The following INSR variants were observed in gnomAD, a reference collection of about 807,000 sequenced individuals.
The protein encoded by INSR is IR.
A neutral mutation model predicts 142.6 loss-of-function variants in INSR; 67 were observed. The ratio of observed to expected loss-of-function variants is 0.47; its 90% CI spans 0.39 to 0.58. INSR has a LOEUF of 0.58. Among genes scored for constraint, INSR ranks in the 20% least tolerant of loss-of-function variants. The pLI is 0.00. For missense variants in INSR, 1,248 were observed against 1,833.2 expected (o/e 0.68, Z 5.83); for synonymous variants, 756 against 743.1 (o/e 1.02, Z -0.28).
Position 7,141,585 on chromosome 19 carries a change from C to G in INSR, c.2682+92G>C, listed in dbSNP as rs1387814003. 1.9e-6 allele frequency: 3 copies of G among 1,567,578 alleles called. No homozygotes were observed. In the African/African-American group the frequency reaches 4.1e-5, roughly 21 times the overall value. The stretch of plus-strand genomic sequence containing the variant: ...TACCTGATGAGAGAAGCACTGGAAT[C>G]AAAATTTCAGCAGAGGAAGGAGGTA... On this transcript the variant is annotated intron_variant, in intron 13 of 21. Transcript: ENST00000302850.
chr19:7,190,726 C>G (rs758488089), intron 2 of INSR, among the ~76,000 whole-genome samples: 1 of 152,146 alleles, frequency 6.6e-6, no homozygotes, highest in Non-Finnish European at 1.5e-5. Flanking sequence ...GTTTCCAACT[C>G]TGTAGGGAGA....
intron 3 of INSR, among the ~76,000 whole-genome samples, chr19:7,176,300 T>C (rs1034697839): frequency 2.6e-5 from 4 of 152,132 alleles, no homozygotes; most frequent in Non-Finnish European, 4.4e-5. Flanking sequence ...GATCTGGTTG[T>C]TTAAAAGTAT....
chr19:7,253,005 C>G (rs1213930476), intron 2 of INSR, among the ~76,000 whole-genome samples: 1 of 151,846 alleles, frequency 6.6e-6, no homozygotes, highest in Admixed American at 6.6e-5. Flanking sequence ...GTCCCAGCTA[C>G]TCAGGAGGCT....
chr19:7,168,000 G>A lies in INSR; in HGVS notation c.1578C>T (p.Asp526=), dbSNP rs1475952696. The part of the protein sequence containing the change: ...WEPYWPPDFR[D]LLGFMLFYKE... ...TGTAGAACAGCATGAACCCCAAGAG[G>A]TCTCGGAAGTCGGGGGGCCAGTACG... The change falls in exon 7 of 22, where the codon GAC becomes GAT. Residue 526 remains aspartate, a synonymous_variant. Transcript: ENST00000302850. 1 of 1,614,084 alleles carries A rather than the reference G, an allele frequency of 6.2e-7. No homozygotes were observed. Among genetic ancestry groups the A allele is most frequent in the Admixed American group, 1.7e-5 (1 of 60,006 alleles).
intron 6 of INSR, among the ~76,000 whole-genome samples, chr19:7,169,363 A>C (rs910437158): frequency 6.6e-6 from 1 of 151,944 alleles, no homozygotes; most frequent in African/African-American, 2.4e-5. Flanking sequence ...TGAGGTCAGG[A>C]GTTCAAGACC....
intron 1 of INSR, among the ~76,000 whole-genome samples, chr19:7,276,527 G>T (rs1342653501): frequency 1.3e-5 from 2 of 151,934 alleles, no homozygotes; most frequent in Admixed American, 1.3e-4. Context: ...TCCTCAAACT[G>T]CTTCCTCTTA....
rs568368316 is a variant in INSR at position 7,150,919 on chromosome 19, CTCTT to C, written c.2232-391_2232-388del. Among the ~76,000 whole-genome samples the C allele has an allele frequency of 1.3e-4, 19 of 151,642 alleles. No individual in the cohort carries two copies. The East Asian group carries it at 1.9e-3, about 15-fold the overall frequency. Reference sequence around the variant, plus strand: ...TCTTTCCTCTTTCTCCTTTTCTTTTCTCTTTCTCTTTTCTCTCTCCCTCTCTCTC... The same window carrying C: ...TCTTTCCTCTTTCTCCTTTTCTTTTCTCTCTTTTCTCTCTCCCTCTCTCTC... On this transcript the variant is annotated intron_variant, in intron 10 of 21. Transcript: ENST00000302850. This position sits in a 1 kb window ranked among gnomAD's most constrained non-coding sequence, Gnocchi z 4.2.
In INSR at chr19:7,143,082, C is replaced by T. The variant is rs1460294044; in HGVS notation, c.2276G>A (p.Arg759Gln). Residue 759 changes from arginine (R) to glutamine (Q), a missense_variant, in exon 12 of 22, where the codon CGG becomes CAG. Coordinates refer to ENST00000302850, the MANE Select transcript of INSR (RefSeq NM_000208.4). ...AACATCGCCAAGGGACCTGCGTTTC[C>T]GAGATGGCCTGGAACGACAGTAGGA... Reference protein sequence around the residue: ...GTGAEDPRPSRKRRSLGDVGN... With the variant: ...GTGAEDPRPSQKRRSLGDVGN... 1.2e-6 allele frequency: 2 copies of T among 1,614,148 alleles called. No individual in the cohort carries two copies. Among genetic ancestry groups the T allele is most frequent in the South Asian group, 1.1e-5 (1 of 91,084 alleles).
intron 14 of INSR, among the ~76,000 whole-genome samples, chr19:7,131,444 C>T (rs991269320): frequency 1.3e-5 from 2 of 150,808 alleles, no homozygotes; most frequent in African/African-American, 4.9e-5. Context: ...TTCCCGGGTT[C>T]CTGAGGCTCC....
intron 2 of INSR, among the ~76,000 whole-genome samples, chr19:7,193,544 G>C (rs960123699): frequency 1.3e-5 from 2 of 151,624 alleles, no homozygotes; most frequent in Admixed American, 6.6e-5. Flanking sequence ...AGGGGCAGGA[G>C]GGGGGAGGAC....
chr19:7,281,819 A>T (rs1460827910), intron 1 of INSR, among the ~76,000 whole-genome samples: 1 of 152,144 alleles, frequency 6.6e-6, no homozygotes, highest in Non-Finnish European at 1.5e-5. Flanking sequence ...TGGTTTCCAC[A>T]TTCCCACAAA....
At position 7,113,526 on chromosome 19, in the gene INSR, TCTC is replaced by T. The variant is rs1318524587; in HGVS notation, c.*3527_*3529del. 1.3e-5 allele frequency: 2 copies of T among 152,330 alleles called. No individual in the cohort carries two copies. Among genetic ancestry groups the T allele is most frequent in the South Asian group, 2.1e-4 (1 of 4,822 alleles). The allele number at this position is 152,330 out of a possible 1,614,324, so 9.4% of individuals were successfully genotyped here. On this transcript the variant is annotated 3_prime_UTR_variant, in exon 22 of 22. Coordinates refer to ENST00000302850, the MANE Select transcript of INSR (RefSeq NM_000208.4). ...AGAGAGAAAGTGATGTGCTTGGTAT[TCTC>T]CTCCTGGAAGAAGGAACTCCTGTGT... is the stretch of plus-strand genomic sequence containing the variant.
At chr19:7,220,998 G>C (rs986427138) in intron 2 of INSR, among the ~76,000 whole-genome samples, 3 of 152,082 alleles carry the variant, frequency 2.0e-5, no homozygotes, top group African/African-American at 7.2e-5. Flanking sequence ...GAGGAAGAGA[G>C]ACCTGAGCTG....
In INSR at chr19:7,113,956, ACT is replaced by A. The variant is rs1374657253; in HGVS notation, c.*3098_*3099del. 6.7e-6 allele frequency: 1 copy of A among 148,230 alleles called. No homozygotes were observed. Among genetic ancestry groups the A allele is most frequent in the Non-Finnish European group, 1.5e-5 (1 of 67,668 alleles). The allele number at this position is 148,230 out of a possible 1,614,324, so 9.2% of individuals were successfully genotyped here. On this transcript the variant is annotated 3_prime_UTR_variant, in exon 22 of 22. Transcript: ENST00000302850. ...TTTGGGCCCCACTGGTCCTGCCTAGACTCTCACATGGGTTATCAAAGCTGCAC... is the reference window on the plus strand; with the variant it reads ...TTTGGGCCCCACTGGTCCTGCCTAGACTCACATGGGTTATCAAAGCTGCAC...
chr19:7,267,390 C>T lies in INSR; in HGVS notation c.607G>A (p.Gly203Arg), dbSNP rs545565240. The T allele has an allele frequency of 8.5e-5, 138 of 1,614,208 alleles. 1 individual carries two copies. In the South Asian group the frequency reaches 1.3e-3, roughly 15 times the overall value. Reference protein sequence around the residue: ...KTNCPATVINGQFVERCWTHS... With the variant: ...KTNCPATVINRQFVERCWTHS... ...GTCCAACATCGTTCGACAAACTGCC[C>T]GTTGATGACGGTGGCGGGGCAGTTG... The change falls in exon 2 of 22, where the codon GGG (glycine) becomes AGG (arginine). Residue 203 changes from glycine to arginine, a missense_variant. Coordinates refer to ENST00000302850, the MANE Select transcript of INSR (RefSeq NM_000208.4). The surrounding 1 kb of genome is among the most constrained non-coding windows in gnomAD (Gnocchi z 6.3).
chr19:7,251,983 G>C (rs1026101688), intron 2 of INSR, among the ~76,000 whole-genome samples: 19 of 152,158 alleles, frequency 1.2e-4, no homozygotes, highest in Non-Finnish European at 2.9e-5. Context: ...TTCGAAAGAA[G>C]TGAAAATAGC....
At chr19:7,170,005 G>T (rs1973977414) in intron 6 of INSR, among the ~76,000 whole-genome samples, 1 of 152,096 alleles carries the variant, frequency 6.6e-6, no homozygotes, top group Non-Finnish European at 1.5e-5. Flanking sequence ...TTACAGCAGG[G>T]GTCCCCAGCC....
In INSR at chr19:7,141,657, C is replaced by A. The variant is rs755331916; in HGVS notation, c.2682+20G>T. The A allele has an allele frequency of 6.2e-7, 1 of 1,613,942 alleles. No homozygotes were observed. The highest frequency in any genetic ancestry group is 1.1e-5 in the South Asian group (1 of 91,028). ...CATGCTGAAGTGTGCAGGGGCATGCCCAAGAGTCAAGGGCCTTACCTCATC... is the reference window on the plus strand; with the variant it reads ...CATGCTGAAGTGTGCAGGGGCATGCACAAGAGTCAAGGGCCTTACCTCATC... On this transcript the variant is annotated intron_variant, in intron 13 of 21. Coordinates refer to ENST00000302850, the MANE Select transcript of INSR (RefSeq NM_000208.4).
intron 21 of INSR, among the ~76,000 whole-genome samples, chr19:7,118,880 A>C (rs1213459914): frequency 7.2e-6 from 1 of 139,320 alleles, no homozygotes; most frequent in Non-Finnish European, 1.5e-5. Flanking sequence ...GCACCACTGC[A>C]CTCCAGCCTG....
Sources: gnomAD v4.1 joint callset for allele counts (sites outside exome capture counted in the v4.1 genomes callset) on GRCh38, gnomAD v4.1.1 for gene constraint, Gnocchi (gnomAD v3.1) non-coding constraint, MANE v1.5 for transcripts, NCBI Gene and HGNC (gene_info 2026-07-23, HGNC 2026-07-21) for gene names.